Variants in GPC5 observed in about 807,000 individuals in gnomAD.
GPC5 encodes the protein glypican 5.
A neutral mutation model predicts 53.9 loss-of-function variants in GPC5; 47 were observed. The observed-to-expected ratio is 0.87, with a 90% CI of 0.69 to 1.11. GPC5 has a LOEUF of 1.11. Ranked by LOEUF, GPC5 falls within the 50% of genes most tolerant of loss-of-function variation. The probability of loss-of-function intolerance (pLI) is 0.00; values close to 1 mark genes in which losing one functional copy is unlikely to be tolerated. For synonymous variants in GPC5, 286 were observed against 263.3 expected, an observed-to-expected ratio of 1.09 and a Z score of -0.84; for missense variants, 748 against 713.1, an observed-to-expected ratio of 1.05 and a Z score of -0.56.
intron 7 of GPC5, among the ~76,000 whole-genome samples, chr13:92,748,459 G>A (rs1173003420): frequency 1.3e-5 from 2 of 151,684 alleles, no homozygotes; most frequent in African/African-American, 4.8e-5. Context: ...AGCCTCCTGA[G>A]TAGCTGGTAT....
chr13:91,997,503 A>C (rs1466203338), intron 6 of GPC5, among the ~76,000 whole-genome samples: 2 of 151,286 alleles, frequency 1.3e-5, no homozygotes, highest in Non-Finnish European at 2.9e-5. Context: ...TTGCCATTAC[A>C]CTCTCCTCTT....
At chr13:92,758,898 T>C (rs1875029248) in intron 7 of GPC5, among the ~76,000 whole-genome samples, 1 of 152,000 alleles carries the variant, frequency 6.6e-6, no homozygotes, top group African/African-American at 2.4e-5. Context: ...TTTGAGTTGA[T>C]TTTTGTGTAT....
chr13:92,052,970 G>C (rs1354866590), intron 6 of GPC5, among the ~76,000 whole-genome samples: 3 of 152,146 alleles, frequency 2.0e-5, no homozygotes, highest in African/African-American at 7.2e-5. Context: ...GCTTAAAGCA[G>C]GTCTGGAAGA....
intron 7 of GPC5, among the ~76,000 whole-genome samples, chr13:92,481,635 C>T (rs1338678317): frequency 6.6e-6 from 1 of 152,068 alleles, no homozygotes; most frequent in East Asian, 1.9e-4. Flanking sequence ...CAAAAGAATT[C>T]AATTATCATG....
At chr13:92,082,863 G>A (rs2041307590) in intron 6 of GPC5, among the ~76,000 whole-genome samples, 1 of 152,120 alleles carries the variant, frequency 6.6e-6, no homozygotes, top group Non-Finnish European at 1.5e-5. Flanking sequence ...GCTAAAAGTA[G>A]ATATTTAATT....
chr13:91,946,047 G>T (rs1381706098), intron 6 of GPC5, among the ~76,000 whole-genome samples: 1 of 151,944 alleles, frequency 6.6e-6, no homozygotes, highest in African/African-American at 2.4e-5. Context: ...CTACTTCTGG[G>T]TTCATGTATT....
chr13:92,340,329 T>G (rs2043355642), intron 7 of GPC5: 1 of 152,146 alleles, frequency 6.6e-6, no homozygotes, highest in Non-Finnish European at 1.5e-5. Context: ...AAATGAACAT[T>G]AAGCAAGTCA....
chr13:92,503,832 C>T (rs1322486560), intron 7 of GPC5, among the ~76,000 whole-genome samples: 1 of 151,766 alleles, frequency 6.6e-6, no homozygotes, highest in Non-Finnish European at 1.5e-5. Context: ...CTTAGATAAC[C>T]ATCATGTTCA....
chr13:92,662,658 A>T (rs1350414394), intron 7 of GPC5, among the ~76,000 whole-genome samples: 1 of 152,184 alleles, frequency 6.6e-6, no homozygotes, highest in East Asian at 1.9e-4. Flanking sequence ...CTTGCTTAAA[A>T]AGGTCGTGAA....
chr13:92,740,960 G>GTGTGTGTATATATA (rs35795926), intron 7 of GPC5, among the ~76,000 whole-genome samples: 8 of 117,758 alleles, frequency 6.8e-5, no homozygotes, highest in African/African-American at 9.9e-5. Context: ...ATATGTATGT[G>GTGTGTGTATATATA]TATATATATA....
At chr13:92,674,255 C>T (rs12869086) in intron 7 of GPC5, among the ~76,000 whole-genome samples, 33,612 of 152,010 alleles carry the variant, frequency 0.22, 4,374 homozygotes, top group South Asian at 0.36. Context: ...CAAGCCTATA[C>T]AGTCAGCAAC....
At chr13:92,479,702 C>G (rs1477303735) in intron 7 of GPC5, among the ~76,000 whole-genome samples, 10 of 152,122 alleles carry the variant, frequency 6.6e-5, no homozygotes, top group Non-Finnish European at 1.5e-5. Flanking sequence ...ACTGGATAAT[C>G]CTCCAAAATA....
intron 6 of GPC5, among the ~76,000 whole-genome samples, chr13:92,054,026 C>A (rs1423599538): frequency 9.0e-6 from 1 of 110,552 alleles, no homozygotes; most frequent in Non-Finnish European, 1.9e-5. Flanking sequence ...GAGTGAAATT[C>A]CATTTCAAAT....
intron 6 of GPC5, among the ~76,000 whole-genome samples, chr13:92,122,338 CT>C (rs755141476): frequency 5.3e-5 from 8 of 150,192 alleles, no homozygotes; most frequent in Non-Finnish European, 1.0e-4. Flanking sequence ...CCATAGACTT[CT>C]TGGCCTCAAA....
chr13:92,003,629 C>T (rs1010544945), intron 6 of GPC5, among the ~76,000 whole-genome samples: 5 of 152,042 alleles, frequency 3.3e-5, no homozygotes, highest in African/African-American at 4.8e-5. Flanking sequence ...TTGTTTTAAT[C>T]GGTTCAACTA....
intron 7 of GPC5, among the ~76,000 whole-genome samples, chr13:92,695,511 G>C (rs1369687388): frequency 6.7e-6 from 1 of 149,536 alleles, no homozygotes; most frequent in Non-Finnish European, 1.5e-5. Flanking sequence ...ATTTATATCT[G>C]TTTTTTTTTC....
intron 7 of GPC5, among the ~76,000 whole-genome samples, chr13:92,630,931 G>C (rs1374919865): frequency 6.6e-6 from 1 of 152,004 alleles, no homozygotes; most frequent in Non-Finnish European, 1.5e-5. Context: ...TAAAGATGAG[G>C]CTGATTCTCC....
intron 7 of GPC5, among the ~76,000 whole-genome samples, chr13:92,334,407 C>T (rs943152896): frequency 2.4e-4 from 36 of 152,252 alleles, no homozygotes; most frequent in African/African-American, 8.4e-4. Flanking sequence ...TCCCATGACA[C>T]ATGGGGATTA....
At chr13:92,104,965 A>G (rs901907489) in intron 6 of GPC5, among the ~76,000 whole-genome samples, 1 of 152,160 alleles carries the variant, frequency 6.6e-6, no homozygotes, top group African/African-American at 2.4e-5. Context: ...TTGTTCAGTC[A>G]TTGAACTGAT....
Sources: gnomAD v4.1 joint callset for allele counts (sites outside exome capture counted in the v4.1 genomes callset) on GRCh38, gnomAD v4.1.1 for gene constraint, MANE v1.5 for transcripts, NCBI Gene and HGNC (gene_info 2026-07-23, HGNC 2026-07-21) for gene names.